The following CRISP2 variants were observed in gnomAD, a reference collection of about 807,000 sequenced individuals.
CRISP2 encodes the protein cysteine rich secretory protein 2.
In CRISP2, 29 loss-of-function variants were observed where a neutral mutation model predicts 31.7. That is an observed-to-expected ratio of 0.92 (90% CI 0.68 to 1.25). The LOEUF is 1.25. CRISP2 is among the 50% of genes most tolerant of loss of function. The pLI, the probability that CRISP2 is intolerant of heterozygous loss-of-function variation, is 0.00. For missense variants in CRISP2, 318 were observed against 286.5 expected (o/e 1.11, Z -0.79); for synonymous variants, 111 against 101.4 (o/e 1.09, Z -0.57).
Position 49,697,849 on chromosome 6 carries a change from A to G in CRISP2, c.515+11T>C. The G allele has an allele frequency of 6.2e-7, 1 of 1,609,768 alleles. No homozygotes were observed. The highest frequency in any genetic ancestry group is 8.5e-7 in the Non-Finnish European group (1 of 1,176,552). On this transcript the variant is annotated intron_variant, in intron 8 of 9. Coordinates refer to ENST00000339139, the MANE Select transcript of CRISP2 (RefSeq NM_003296.4). ...GAATTATTGCCATTAAACTCTAAAC[A>G]GTCTACTTACGCAGGACAATATTGG...
At chr6:49,687,022 G>A in the CRISP2 span, among the ~76,000 whole-genome samples, 2 of 151,984 alleles carry the variant, frequency 1.3e-5, no homozygotes, top group African/African-American at 4.8e-5. Context: ...ATGGATACAG[G>A]AGGGGAACAT....
intron 5 of CRISP2, among the ~76,000 whole-genome samples, chr6:49,700,347 A>G (rs1765456842): frequency 6.6e-6 from 1 of 152,168 alleles, no homozygotes; most frequent in South Asian, 2.1e-4. Context: ...CAGCTGACAC[A>G]TATCCTGAAG....
At chr6:49,698,794 G>C (rs927977351) in intron 6 of CRISP2, among the ~76,000 whole-genome samples, 7 of 152,088 alleles carry the variant, frequency 4.6e-5, no homozygotes, top group African/African-American at 1.7e-4. Context: ...TGTATGCCTT[G>C]AGTGTTCCCA....
intron 8 of CRISP2, 97 bp downstream of exon 8, chr6:49,697,763 T>C (rs753074345): frequency 6.3e-7 from 1 of 1,596,626 alleles, no homozygotes; most frequent in Non-Finnish European, 8.6e-7. Context: ...CTCCCTTTTA[T>C]TGAGATATGT....
intron 7 of CRISP2, 94 bp from the exon 8 acceptor site, chr6:49,698,051 G>A (rs1205013324): frequency 1.0e-6 from 1 of 979,034 alleles, no homozygotes; most frequent in East Asian, 2.7e-5. Flanking sequence ...AAAAATGTTA[G>A]TTTTATAGAC....
At chr6:49,700,348 T>G (rs1765457217) in intron 5 of CRISP2, among the ~76,000 whole-genome samples, 1 of 152,220 alleles carries the variant, frequency 6.6e-6, no homozygotes, top group Middle Eastern at 3.4e-3. Flanking sequence ...AGCTGACACA[T>G]ATCCTGAAGG....
the CRISP2 span, among the ~76,000 whole-genome samples, chr6:49,683,663 CAAAAAAAAAAAAAAAA>C: frequency 4.3e-4 from 8 of 18,504 alleles, no homozygotes; most frequent in African/African-American, 1.1e-3. Context: ...GACTCCATTT[CAAAAAAAAAAAAAAAA>C]AAAAAAAAAA....
downstream of CRISP2, among the ~76,000 whole-genome samples, chr6:49,689,769 G>T (rs1763991833): frequency 6.6e-6 from 1 of 152,028 alleles, no homozygotes; most frequent in Non-Finnish European, 1.5e-5. Context: ...CACATTCTTA[G>T]ATAGTATGGG....
intron 8 of CRISP2, among the ~76,000 whole-genome samples, chr6:49,696,409 A>T (rs1401193546): frequency 1.3e-5 from 2 of 152,072 alleles, no homozygotes; most frequent in East Asian, 3.9e-4. Context: ...ACTATGAAAA[A>T]TATAGCTCCA....
chr6:49,710,854 C>G (rs1767890834), intron 3 of CRISP2, among the ~76,000 whole-genome samples: 1 of 152,112 alleles, frequency 6.6e-6, no homozygotes, highest in Non-Finnish European at 1.5e-5. Context: ...AGGCCAGGCA[C>G]AGTGGCTCAT....
intron 4 of CRISP2, among the ~76,000 whole-genome samples, chr6:49,707,238 A>G (rs181335801): frequency 6.6e-6 from 1 of 152,344 alleles, no homozygotes; most frequent in Admixed American, 6.5e-5. Context: ...GTGACGTGAC[A>G]TAAGTAAAAA....
chr6:49,690,314 G>A (rs1380949008), downstream of CRISP2, among the ~76,000 whole-genome samples: 2 of 152,040 alleles, frequency 1.3e-5, no homozygotes, highest in East Asian at 3.9e-4. Context: ...AATAGAGAAA[G>A]CACGTTTTCA....
At chr6:49,697,178 A>G (rs1361799015) in intron 8 of CRISP2, among the ~76,000 whole-genome samples, 1 of 152,188 alleles carries the variant, frequency 6.6e-6, no homozygotes, top group Non-Finnish European at 1.5e-5. Context: ...ATATCTTCTT[A>G]AAATATCCAT....
chr6:49,695,806 A>C (rs76570254), intron 9 of CRISP2, 30 bp downstream of exon 9: 71,689 of 1,376,814 alleles, frequency 0.052, 2,142 homozygotes, highest in Middle Eastern at 0.064. Context: ...TCTATAATAA[A>C]TAATAGCAAG....
the CRISP2 span, among the ~76,000 whole-genome samples, chr6:49,686,673 T>C: frequency 6.6e-6 from 1 of 152,158 alleles, no homozygotes; most frequent in African/African-American, 2.4e-5. Context: ...GAACTAGAAA[T>C]ACCATTTGAC....
intron 9 of CRISP2, among the ~76,000 whole-genome samples, chr6:49,693,796 A>G (rs1271753329): frequency 1.3e-5 from 2 of 151,890 alleles, no homozygotes; most frequent in African/African-American, 4.8e-5. Context: ...CTAAATGTCA[A>G]TCTCTTCTTC....
At chr6:49,691,171 C>T (rs1049838149), downstream of CRISP2, among the ~76,000 whole-genome samples, 13 of 152,018 alleles carry the variant, frequency 8.6e-5, no homozygotes, top group African/African-American at 2.4e-4. Flanking sequence ...ACCCCAATAA[C>T]GGAGTGCTTC....
the CRISP2 span, among the ~76,000 whole-genome samples, chr6:49,683,100 G>A: frequency 0.14 from 21,883 of 151,618 alleles, 1,658 homozygotes; most frequent in African/African-American, 0.17. Context: ...AGAGGTTGTA[G>A]AGAGCTGAGA....
chr6:49,686,371 A>G, the CRISP2 span, among the ~76,000 whole-genome samples: 2 of 152,234 alleles, frequency 1.3e-5, no homozygotes, highest in African/African-American at 2.4e-5. Flanking sequence ...TGAAATTGCT[A>G]GAAGCGAATT....
Sources: allele counts gnomAD v4.1 joint callset (sites outside exome capture counted in the v4.1 genomes callset), GRCh38; gene constraint gnomAD v4.1.1; transcripts MANE v1.5; gene names NCBI Gene and HGNC (gene_info 2026-07-23, HGNC 2026-07-21).